The following DLGAP1 variants were observed in gnomAD, a reference collection of about 807,000 sequenced individuals.
The protein encoded by DLGAP1 is disks large-associated protein 1.
A neutral mutation model predicts 90.8 loss-of-function variants in DLGAP1; 11 were observed. The ratio of observed to expected loss-of-function variants is 0.12; its 90% CI spans 0.08 to 0.20. The LOEUF is 0.20. DLGAP1 is among the 10% of genes least tolerant of loss of function. The pLI, the probability that DLGAP1 is intolerant of heterozygous loss-of-function variation, is 1.00. For missense variants in DLGAP1, 1,050 were observed against 1,333.8 expected (o/e 0.79, Z 3.31); for synonymous variants, 558 against 540.7 (o/e 1.03, Z -0.44).
chr18:3,499,067 A>T lies in DLGAP1; in HGVS notation c.*118T>A. ...GCGAGGTGGACAACTACACCGCGACAGTGGAAGTCACCGAGCTCGGGAGCG... is the reference window on the plus strand; with the variant it reads ...GCGAGGTGGACAACTACACCGCGACTGTGGAAGTCACCGAGCTCGGGAGCG... On this transcript the variant is annotated 3_prime_UTR_variant, in exon 13 of 13. Coordinates refer to ENST00000315677, the MANE Select transcript of DLGAP1 (RefSeq NM_004746.4). This position sits in a 1 kb window ranked among gnomAD's most constrained non-coding sequence, Gnocchi z 6.4. The T allele has an allele frequency of 1.1e-6, 1 of 902,824 alleles. No individual in the cohort carries two copies. The highest frequency in any genetic ancestry group is 3.5e-4 in the Middle Eastern group (1 of 2,842). 55.9% of individuals were successfully genotyped at this position (902,824 alleles called of 1,614,324 possible).
At chr18:3,950,050 T>C (rs186051584) in intron 3 of DLGAP1, among the ~76,000 whole-genome samples, 1 of 152,290 alleles carries the variant, frequency 6.6e-6, no homozygotes, top group East Asian at 1.9e-4. Context: ...ATTACTGAGA[T>C]TTTTTCATAC....
chr18:4,385,439 T>C (rs759962043), intron 1 of DLGAP1, among the ~76,000 whole-genome samples: 3 of 152,152 alleles, frequency 2.0e-5, no homozygotes, highest in South Asian at 2.1e-4. Flanking sequence ...TTTTTCATTC[T>C]TTTTTAGTTA....
At chr18:3,608,427 C>T (rs1284534387) in intron 7 of DLGAP1, 3 of 152,052 alleles carry the variant, frequency 2.0e-5, no homozygotes, top group Non-Finnish European at 4.4e-5. Flanking sequence ...ACCCTTGGAC[C>T]TGGTATTGTT....
chr18:4,354,215 T>C (rs139024810), intron 1 of DLGAP1, among the ~76,000 whole-genome samples: 100 of 152,284 alleles, frequency 6.6e-4, no homozygotes, highest in African/African-American at 2.1e-3. Flanking sequence ...AACTAGGGTT[T>C]CTCTTCCCCA....
At chr18:3,501,418 A>G (rs1810985192) in intron 12 of DLGAP1, among the ~76,000 whole-genome samples, 1 of 152,202 alleles carries the variant, frequency 6.6e-6, no homozygotes, top group South Asian at 2.1e-4. Flanking sequence ...CCACATGTAC[A>G]TCAACAGTAC....
intron 9 of DLGAP1, among the ~76,000 whole-genome samples, chr18:3,551,732 CT>C (rs2053479890): frequency 3.7e-5 from 2 of 53,764 alleles, no homozygotes; most frequent in Non-Finnish European, 6.7e-5. Flanking sequence ...CCCTTCCTTC[CT>C]TCCTTCCTTC....
At chr18:4,078,988 C>A (rs978171837) in intron 2 of DLGAP1, among the ~76,000 whole-genome samples, 3 of 152,056 alleles carry the variant, frequency 2.0e-5, no homozygotes, top group Non-Finnish European at 4.4e-5. Flanking sequence ...TACTCTTGTT[C>A]ATAACCCTTA....
Position 3,815,063 on chromosome 18 carries a change from T to C in DLGAP1, c.958-790A>G, listed in dbSNP as rs1473500782. Reference sequence around the variant, plus strand: ...CATCTCAGTTTTCTCATGCTGATAATAGTTGAGTCAGGCATAAGAATGCCA... The same window carrying C: ...CATCTCAGTTTTCTCATGCTGATAACAGTTGAGTCAGGCATAAGAATGCCA... On this transcript the variant is annotated intron_variant, in intron 4 of 12. Coordinates refer to ENST00000315677, the MANE Select transcript of DLGAP1 (RefSeq NM_004746.4). Among the ~76,000 whole-genome samples the C allele has an allele frequency of 3.3e-5, 5 of 152,366 alleles. No homozygotes were observed. In the South Asian group the frequency reaches 1.0e-3, roughly 32 times the overall value.
chr18:4,009,280 C>G (rs562850516), intron 2 of DLGAP1, among the ~76,000 whole-genome samples: 11 of 152,126 alleles, frequency 7.2e-5, no homozygotes, highest in African/African-American at 2.7e-4. Flanking sequence ...TGAGCGGATG[C>G]GGATCATCAG....
chr18:3,724,408 C>G (rs2062084324), intron 7 of DLGAP1, among the ~76,000 whole-genome samples: 1 of 152,140 alleles, frequency 6.6e-6, no homozygotes, highest in Non-Finnish European at 1.5e-5. Context: ...TATTGCTACA[C>G]AAAGCTTCTT....
At chr18:4,213,624 T>C (rs2144907419) in intron 1 of DLGAP1, among the ~76,000 whole-genome samples, 1 of 152,236 alleles carries the variant, frequency 6.6e-6, no homozygotes, top group Non-Finnish European at 1.5e-5. Context: ...TTAGTAGAAA[T>C]GGTACCCATT....
chr18:4,180,621 A>C (rs2177009), intron 1 of DLGAP1, among the ~76,000 whole-genome samples: 59,594 of 151,962 alleles, frequency 0.39, 12,102 homozygotes, highest in East Asian at 0.7. Context: ...AAAAAGTTTC[A>C]ATACTAGTAC....
At chr18:4,202,738 T>C (rs1032118589) in intron 1 of DLGAP1, among the ~76,000 whole-genome samples, 1 of 152,168 alleles carries the variant, frequency 6.6e-6, no homozygotes, top group African/African-American at 2.4e-5. Flanking sequence ...TTTAACAAAA[T>C]TCATGGTATT....
intron 1 of DLGAP1, among the ~76,000 whole-genome samples, chr18:4,306,423 AAG>A (rs1349437249): frequency 1.2e-4 from 13 of 110,542 alleles, no homozygotes; most frequent in African/African-American, 4.4e-4. Flanking sequence ...AAGAGAAAGT[AAG>A]AGTGTGTGTG....
chr18:4,286,922 C>CATGG (rs1360316933), intron 1 of DLGAP1, among the ~76,000 whole-genome samples: 1 of 152,090 alleles, frequency 6.6e-6, no homozygotes, highest in Non-Finnish European at 1.5e-5. Flanking sequence ...GAGTGAACCA[C>CATGG]ATGGATATTT....
chr18:4,442,132 C>T (rs955996782), intron 1 of DLGAP1, among the ~76,000 whole-genome samples: 6 of 152,186 alleles, frequency 3.9e-5, no homozygotes, highest in African/African-American at 1.4e-4. Context: ...GCTGGGATTA[C>T]AGGCGCACGC....
chr18:3,891,360 C>G (rs752302038), intron 3 of DLGAP1, among the ~76,000 whole-genome samples: 2 of 152,178 alleles, frequency 1.3e-5, no homozygotes, highest in Non-Finnish European at 2.9e-5. Flanking sequence ...ACTGATGCTA[C>G]TGTCCTTCTG....
At chr18:4,360,459 A>G (rs2081607803) in intron 1 of DLGAP1, among the ~76,000 whole-genome samples, 1 of 152,244 alleles carries the variant, frequency 6.6e-6, no homozygotes, top group African/African-American at 2.4e-5. Context: ...GGAACTCACG[A>G]AAGTGAAAGT....
At chr18:4,272,550 T>C (rs2079306861) in intron 1 of DLGAP1, among the ~76,000 whole-genome samples, 4 of 152,322 alleles carry the variant, frequency 2.6e-5, no homozygotes, top group Middle Eastern at 3.4e-3. Flanking sequence ...ACTTAGTCCC[T>C]TAGCCCCCAG....
Sources: allele counts gnomAD v4.1 joint callset (sites outside exome capture counted in the v4.1 genomes callset), GRCh38; gene constraint gnomAD v4.1.1; non-coding constraint Gnocchi (gnomAD v3.1); transcripts MANE v1.5; gene names NCBI Gene and HGNC (gene_info 2026-07-23, HGNC 2026-07-21).